SLC14A2: variants seen among roughly 807,000 people sequenced by gnomAD.
The protein encoded by SLC14A2 is urea transporter 2.
Under a neutral mutation model 104.6 loss-of-function variants are expected in SLC14A2, and 91 were observed. The ratio of observed to expected loss-of-function variants is 0.87; its 90% confidence interval spans 0.73 to 1.04. The LOEUF (loss-of-function observed/expected upper bound fraction) is 1.04, where lower values mean the gene tolerates loss of function less well. Among genes scored for constraint, SLC14A2 ranks in the 50% least tolerant of loss-of-function variants. The pLI is 0.00. For missense variants in SLC14A2, 1,189 were observed against 1,156.0 expected (o/e 1.03, Z -0.41); for synonymous variants, 476 against 466.4 (o/e 1.02, Z -0.27).
intron 1 of SLC14A2, among the ~76,000 whole-genome samples, chr18:45,389,388 T>G (rs769128247): frequency 2.0e-5 from 3 of 152,242 alleles, no homozygotes; most frequent in Non-Finnish European, 4.4e-5. Flanking sequence ...CCAAAAGTAA[T>G]GGTCAATCCA....
chr18:45,505,650 G>T (rs1377757734), intron 2 of SLC14A2, among the ~76,000 whole-genome samples: 1 of 152,170 alleles, frequency 6.6e-6, no homozygotes, highest in Non-Finnish European at 1.5e-5. Context: ...ATTTCCATAT[G>T]TGGTCCCTTC....
chr18:45,264,321 CCTGA>C (rs1033530439), intron 1 of SLC14A2, among the ~76,000 whole-genome samples: 2 of 152,136 alleles, frequency 1.3e-5, no homozygotes, highest in Non-Finnish European at 2.9e-5. Context: ...CTTTTTCCAA[CCTGA>C]CTCTCATTTT....
At chr18:45,361,060 C>G (rs2144327217) in intron 1 of SLC14A2, among the ~76,000 whole-genome samples, 1 of 152,284 alleles carries the variant, frequency 6.6e-6, no homozygotes, top group Admixed American at 6.5e-5. Flanking sequence ...TTCTCTTCCC[C>G]TGAAACTGGG....
At chr18:45,532,415 A>G (rs2043707714) in intron 2 of SLC14A2, among the ~76,000 whole-genome samples, 1 of 151,590 alleles carries the variant, frequency 6.6e-6, no homozygotes, top group Non-Finnish European at 1.5e-5. Flanking sequence ...GAGGTCCTTC[A>G]CATCCCTTGT....
At chr18:45,189,385 G>T in the SLC14A2 span, among the ~76,000 whole-genome samples, 1 of 152,158 alleles carries the variant, frequency 6.6e-6, no homozygotes, top group Non-Finnish European at 1.5e-5. Context: ...AAAAGCACTT[G>T]GAAGTGTCCC....
At position 45,624,838 on chromosome 18, in the gene SLC14A2, GTTTCCTGGGAGGGAGGGGA is replaced by G. The variant is rs776530404; in HGVS notation, c.150+26_150+44del. On this transcript the variant is annotated intron_variant, in intron 2 of 19. Coordinates refer to ENST00000255226, the MANE Select transcript of SLC14A2 (RefSeq NM_007163.4). ...AGGTGAGAAGTGTCCCTCCTAGGATGTTTCCTGGGAGGGAGGGGATGGGAAAAGTGGGGGCAAAAGATGC... is the reference window on the plus strand; with the variant it reads ...AGGTGAGAAGTGTCCCTCCTAGGATGTGGGAAAAGTGGGGGCAAAAGATGC... The G allele has an allele frequency of 7.9e-5, 125 of 1,582,138 alleles. 1 individual carries two copies. Among genetic ancestry groups the G allele is most frequent in the Non-Finnish European group, 1.0e-4 (120 of 1,160,948 alleles).
At chr18:45,273,415 G>A (rs988238506) in intron 1 of SLC14A2, among the ~76,000 whole-genome samples, 1 of 152,092 alleles carries the variant, frequency 6.6e-6, no homozygotes, top group African/African-American at 2.4e-5. Flanking sequence ...TATCTTCTCT[G>A]GAGGTAAAAT....
At chr18:45,648,175 C>G (rs1292527907) in intron 10 of SLC14A2, among the ~76,000 whole-genome samples, 1 of 146,570 alleles carries the variant, frequency 6.8e-6, no homozygotes, top group Non-Finnish European at 1.5e-5. Flanking sequence ...TATAAGTTAC[C>G]CTCTTTATTC....
At chr18:45,325,300 G>A (rs972194950) in intron 1 of SLC14A2, among the ~76,000 whole-genome samples, 1 of 152,170 alleles carries the variant, frequency 6.6e-6, no homozygotes, top group Admixed American at 6.5e-5. Context: ...CTTCTGAGCT[G>A]GGGAAAATGG....
intron 1 of SLC14A2, among the ~76,000 whole-genome samples, chr18:45,218,858 G>T (rs1173377057): frequency 6.6e-6 from 1 of 150,676 alleles, no homozygotes; most frequent in Non-Finnish European, 1.5e-5. Flanking sequence ...GGTCCTCTTG[G>T]TCCACATGCA....
At chr18:45,394,544 C>T (rs1346023096) in intron 1 of SLC14A2, among the ~76,000 whole-genome samples, 4 of 152,154 alleles carry the variant, frequency 2.6e-5, no homozygotes, top group South Asian at 4.1e-4. Context: ...AAATAATGGC[C>T]ATCCATGCTA....
At chr18:45,290,647 C>G (rs2084860058) in intron 1 of SLC14A2, among the ~76,000 whole-genome samples, 1 of 152,190 alleles carries the variant, frequency 6.6e-6, no homozygotes, top group South Asian at 2.1e-4. Context: ...GAAACACACA[C>G]TGGGTTTCGA....
At chr18:45,619,999 C>G (rs2045138257) in intron 1 of SLC14A2, among the ~76,000 whole-genome samples, 2 of 152,344 alleles carry the variant, frequency 1.3e-5, no homozygotes. Context: ...AGCAGCCCCA[C>G]CTCACAGCCT....
intron 1 of SLC14A2, among the ~76,000 whole-genome samples, chr18:45,323,906 C>G (rs776389646): frequency 6.6e-6 from 1 of 152,156 alleles, no homozygotes; most frequent in Admixed American, 6.5e-5. Flanking sequence ...TTTCATCACC[C>G]TTCTCAGAGA....
At chr18:45,618,696 A>AG (rs1555714273) in intron 1 of SLC14A2, among the ~76,000 whole-genome samples, 14 of 144,466 alleles carry the variant, frequency 9.7e-5, no homozygotes, top group African/African-American at 3.9e-4. Flanking sequence ...AAAAAAAAAA[A>AG]AAGAAGTAGT....
chr18:45,330,663 T>C (rs906237094), intron 1 of SLC14A2, among the ~76,000 whole-genome samples: 1 of 152,226 alleles, frequency 6.6e-6, no homozygotes, highest in African/African-American at 2.4e-5. Context: ...AGGTCATGGA[T>C]GTGATGCACC....
chr18:45,250,755 C>CTTTTTTTTTTGTTTTTTTTTTTTTTTTT (rs2084413834), intron 1 of SLC14A2, among the ~76,000 whole-genome samples: 1 of 93,894 alleles, frequency 1.1e-5, no homozygotes, highest in African/African-American at 4.4e-5. Context: ...TGGCTTCTTC[C>CTTTTTTTTTTGTTTTTTTTTTTTTTTTT]TTTTTTTTTT....
At chr18:45,517,383 C>A (rs559711741) in intron 2 of SLC14A2, among the ~76,000 whole-genome samples, 9 of 152,188 alleles carry the variant, frequency 5.9e-5, no homozygotes, top group Non-Finnish European at 1.2e-4. Context: ...CAGCCTCCCC[C>A]CTCCCAATAG....
At chr18:45,484,895 A>T (rs923632853) in intron 2 of SLC14A2, among the ~76,000 whole-genome samples, 5 of 152,356 alleles carry the variant, frequency 3.3e-5, no homozygotes, top group African/African-American at 7.2e-5. Flanking sequence ...TTATCTCAAC[A>T]CATGGGTGGC....
Sources: gnomAD v4.1 joint callset for allele counts (sites outside exome capture counted in the v4.1 genomes callset) on GRCh38, gnomAD v4.1.1 for gene constraint, MANE v1.5 for transcripts, NCBI Gene and HGNC (gene_info 2026-07-23, HGNC 2026-07-21) for gene names.